LYPD6B: variants seen among roughly 807,000 people sequenced by gnomAD.
The protein encoded by LYPD6B is ly6/PLAUR domain-containing protein 6B.
LYPD6B carries 17 observed loss-of-function variants against 22.8 expected under a neutral mutation model. The observed-to-expected ratio is 0.75, with a 90% CI of 0.51 to 1.12. LYPD6B has a LOEUF of 1.12. LYPD6B is among the 50% of genes most tolerant of loss of function. The pLI, the probability that LYPD6B is intolerant of heterozygous loss-of-function variation, is 0.00. For synonymous variants in LYPD6B, 106 were observed against 91.6 expected, an observed-to-expected ratio of 1.16 and a Z score of -0.90; for missense variants, 221 against 258.3, an observed-to-expected ratio of 0.86 and a Z score of 0.99.
intron 3 of LYPD6B, among the ~76,000 whole-genome samples, chr2:149,180,301 T>C (rs1156560634): frequency 6.6e-6 from 1 of 152,090 alleles, no homozygotes; most frequent in Non-Finnish European, 1.5e-5. Flanking sequence ...GCTGGTACAA[T>C]GTTATATGCT....
intron 1 of LYPD6B, among the ~76,000 whole-genome samples, chr2:149,083,265 C>G (rs2105404723): frequency 6.6e-6 from 1 of 152,290 alleles, no homozygotes; most frequent in South Asian, 2.1e-4. Flanking sequence ...CATTTCACCC[C>G]TAAATACTTG....
intron 1 of LYPD6B, among the ~76,000 whole-genome samples, chr2:149,098,474 A>C (rs1202707349): frequency 1.3e-5 from 2 of 151,886 alleles, no homozygotes; most frequent in Non-Finnish European, 2.9e-5. Flanking sequence ...AAAATACGAA[A>C]AAATTAGCTG....
intron 1 of LYPD6B, among the ~76,000 whole-genome samples, chr2:149,123,338 G>GT (rs1056632212): frequency 3.9e-5 from 6 of 152,134 alleles, no homozygotes; most frequent in African/African-American, 9.7e-5. Context: ...TAGATGAAGG[G>GT]TAGTATGTCT....
intron 2 of LYPD6B, among the ~76,000 whole-genome samples, chr2:149,140,628 T>TGC (rs1688639350): frequency 6.6e-6 from 1 of 152,246 alleles, no homozygotes; most frequent in Non-Finnish European, 1.5e-5. Context: ...AAGCTTATCC[T>TGC]TGCATTTAGA....
rs573829937 is a variant in LYPD6B, at chr2:149,204,173, C to T, written c.78-1080C>T. Among the ~76,000 whole-genome samples the T allele has an allele frequency of 2.0e-5, 3 of 152,292 alleles. No individual in the cohort carries two copies. The South Asian group carries it at 6.2e-4, about 32-fold the overall frequency. On this transcript the variant is annotated intron_variant, in intron 3 of 6. Transcript: ENST00000409642. ...CCTTTCTGAACCCACATTTGACGCT[C>T]ACATTTACCTAAATATGTGGGCAGT...
intron 3 of LYPD6B, among the ~76,000 whole-genome samples, chr2:149,168,525 G>A (rs962853085): frequency 6.6e-6 from 1 of 152,092 alleles, no homozygotes; most frequent in African/African-American, 2.4e-5. Context: ...GTCTAAATAC[G>A]ACAAGCCCAT....
In LYPD6B at chr2:149,187,120, C is replaced by CACCAG. The variant is rs757148323; in HGVS notation, c.78-18132_78-18128dup. 1.7e-4 allele frequency among the ~76,000 whole-genome samples: 26 copies of CACCAG among 152,280 alleles called. 1 individual carries two copies. In the Middle Eastern group the frequency reaches 0.01, roughly 60 times the overall value. On this transcript the variant is annotated intron_variant, in intron 3 of 6. Transcript: ENST00000409642. The stretch of plus-strand genomic sequence containing the variant: ...ATAGTGTAAACATAACTTTTGTCTG[C>CACCAG]ACCAGGAAACTAAAACATTTGTGTG...
At chr2:149,176,455 A>C (rs555956425) in intron 3 of LYPD6B, among the ~76,000 whole-genome samples, 2 of 152,346 alleles carry the variant, frequency 1.3e-5, no homozygotes, top group East Asian at 3.9e-4. Flanking sequence ...TTACAGAATA[A>C]GGAGTCGATC....
At chr2:149,196,114 G>T (rs1692793551) in intron 3 of LYPD6B, among the ~76,000 whole-genome samples, 1 of 152,200 alleles carries the variant, frequency 6.6e-6, no homozygotes, top group Admixed American at 6.5e-5. Flanking sequence ...AGTTTCCAGG[G>T]AATATGAAAT....
At chr2:149,114,293 T>C (rs767561401) in intron 1 of LYPD6B, among the ~76,000 whole-genome samples, 1 of 152,238 alleles carries the variant, frequency 6.6e-6, no homozygotes, top group African/African-American at 2.4e-5. Context: ...TGCCAAGTGG[T>C]ATTTCATTTT....
chr2:149,159,305 G>A (rs979270444), intron 2 of LYPD6B, among the ~76,000 whole-genome samples: 2 of 152,076 alleles, frequency 1.3e-5, no homozygotes, highest in South Asian at 2.1e-4. Flanking sequence ...TATGTGTATG[G>A]TATTTTATAT....
chr2:149,212,619 T>C (rs6760677), intron 5 of LYPD6B, among the ~76,000 whole-genome samples: 40,542 of 151,910 alleles, frequency 0.27, 5,905 homozygotes, highest in Non-Finnish European at 0.31. Context: ...CAATTTTCAT[T>C]TTATTTTAGA....
At chr2:149,165,704 G>A (rs1016609253) in intron 3 of LYPD6B, among the ~76,000 whole-genome samples, 1 of 152,146 alleles carries the variant, frequency 6.6e-6, no homozygotes, top group African/African-American at 2.4e-5. Flanking sequence ...AACTTCCCTC[G>A]AAGTCATACA....
intron 1 of LYPD6B, among the ~76,000 whole-genome samples, chr2:149,098,809 A>G (rs1282243695): frequency 6.7e-6 from 1 of 148,934 alleles, no homozygotes; most frequent in African/African-American, 2.5e-5. Context: ...GGAAAGTTTA[A>G]GACAAATGCA....
At position 149,070,300 on chromosome 2, in the gene LYPD6B, A is replaced by G. The variant is rs114602196; in HGVS notation, c.-67+31499A>G. Among the ~76,000 whole-genome samples the G allele has an allele frequency of 8.9e-3, 1,353 of 152,076 alleles. 24 individuals carry two copies. Among genetic ancestry groups the G allele is most frequent in the African/African-American group, 0.03 (1,254 of 41,500 alleles). ...AAGGCTGGCTTTCTCACTTTCTTCA[A>G]ATAGTGGCTTCTCCCTGAGGATGTT... On this transcript the variant is annotated intron_variant, in intron 1 of 6. Coordinates refer to ENST00000409642, the MANE Select transcript of LYPD6B (RefSeq NM_177964.5).
intron 3 of LYPD6B, among the ~76,000 whole-genome samples, chr2:149,195,991 A>G (rs982236573): frequency 6.6e-6 from 1 of 152,176 alleles, no homozygotes; most frequent in Admixed American, 6.5e-5. Context: ...CCATTATACT[A>G]GGCAGCATTT....
At chr2:149,060,017 G>A (rs1684001189) in intron 1 of LYPD6B, among the ~76,000 whole-genome samples, 1 of 152,058 alleles carries the variant, frequency 6.6e-6, no homozygotes, top group African/African-American at 2.4e-5. Context: ...GGAGGGGTAG[G>A]GAGGGAGAAG....
Position 149,206,372 on chromosome 2 carries a change from C to CTG in LYPD6B, c.229+979_229+980dup, listed in dbSNP as rs202104180. Among the ~76,000 whole-genome samples the CTG allele has an allele frequency of 4.0e-3, 604 of 152,078 alleles. 3 individuals are homozygous for CTG. Among genetic ancestry groups the CTG allele is most frequent in the African/African-American group, 0.012 (502 of 41,514 alleles). On this transcript the variant is annotated intron_variant, in intron 4 of 6. Transcript: ENST00000409642. The stretch of plus-strand genomic sequence containing the variant: ...GCTTTATTATTTGGGACAGTCATCT[C>CTG]TGTGTGTGTGTGCATATATACACAT...
chr2:149,182,425 G>A (rs1295812208), intron 3 of LYPD6B, among the ~76,000 whole-genome samples: 1 of 152,126 alleles, frequency 6.6e-6, no homozygotes, highest in African/African-American at 2.4e-5. Context: ...ACTATTTTTG[G>A]TGTGCTGGCA....
Sources: allele counts gnomAD v4.1 joint callset (sites outside exome capture counted in the v4.1 genomes callset), GRCh38; gene constraint gnomAD v4.1.1; transcripts MANE v1.5; gene names NCBI Gene and HGNC (gene_info 2026-07-23, HGNC 2026-07-21).